The following NDST3 variants were observed in gnomAD, a reference collection of about 807,000 sequenced individuals.
The protein encoded by NDST3 is N-deacetylase and N-sulfotransferase 3.
Under a neutral mutation model 96.1 loss-of-function variants are expected in NDST3, and 58 were observed. The observed-to-expected ratio is 0.60, with a 90% CI of 0.49 to 0.75. The LOEUF (loss-of-function observed/expected upper bound fraction) is 0.75, where lower values mean the gene tolerates loss of function less well. NDST3 is among the 30% of genes least tolerant of loss of function. The probability of loss-of-function intolerance (pLI) is 0.00; values close to 1 mark genes in which losing one functional copy is unlikely to be tolerated. For missense variants in NDST3, 788 were observed against 1,034.2 expected (o/e 0.76, Z 3.27); for synonymous variants, 333 against 359.7 (o/e 0.93, Z 0.84).
chr4:118,165,858 T>G (rs1173578115), intron 6 of NDST3, among the ~76,000 whole-genome samples: 1 of 151,850 alleles, frequency 6.6e-6, no homozygotes, highest in Non-Finnish European at 1.5e-5. Context: ...TAAAAATACC[T>G]TGATATAAGT....
intron 6 of NDST3, among the ~76,000 whole-genome samples, chr4:118,146,044 A>G (rs1252368754): frequency 6.6e-6 from 1 of 152,224 alleles, no homozygotes; most frequent in Non-Finnish European, 1.5e-5. Flanking sequence ...CATGTTTCCC[A>G]TGAATTCTCC....
chr4:118,062,695 C>T (rs1725993578), intron 2 of NDST3, among the ~76,000 whole-genome samples: 2 of 152,032 alleles, frequency 1.3e-5, no homozygotes, highest in African/African-American at 4.8e-5. Flanking sequence ...ATTTCATATT[C>T]ATAATCTATT....
At chr4:118,108,983 T>C (rs914841143) in intron 3 of NDST3, among the ~76,000 whole-genome samples, 1 of 152,198 alleles carries the variant, frequency 6.6e-6, no homozygotes, top group Admixed American at 6.5e-5. Flanking sequence ...TAATTAGATA[T>C]CTATTTTAAA....
intron 6 of NDST3, among the ~76,000 whole-genome samples, chr4:118,157,269 G>T (rs1254775601): frequency 6.6e-6 from 1 of 151,354 alleles, no homozygotes; most frequent in Non-Finnish European, 1.5e-5. Context: ...AATAATAAAA[G>T]TGTTTTGTTA....
chr4:118,168,481 C>T (rs1224156973), intron 6 of NDST3, among the ~76,000 whole-genome samples: 1 of 152,002 alleles, frequency 6.6e-6, no homozygotes, highest in East Asian at 1.9e-4. Context: ...CACACAAGTG[C>T]TAGTGAGAAT....
intron 6 of NDST3, among the ~76,000 whole-genome samples, chr4:118,150,109 C>T (rs533954140): frequency 0.013 from 1,941 of 152,034 alleles, 34 homozygotes; most frequent in African/African-American, 0.044. Flanking sequence ...ATGAAGCCCA[C>T]TTGATCATGG....
chr4:118,240,366 C>T (rs1003704605), intron 10 of NDST3, among the ~76,000 whole-genome samples, 158 bp from the exon 11 acceptor site: 11 of 152,104 alleles, frequency 7.2e-5, no homozygotes, highest in African/African-American at 2.7e-4. Flanking sequence ...TCCTGATGCT[C>T]CAAGCAAACA....
intron 2 of NDST3, among the ~76,000 whole-genome samples, chr4:118,096,700 TAGATAG>T (rs1729342171): frequency 6.6e-6 from 1 of 151,430 alleles, no homozygotes. Context: ...GATAGATAGA[TAGATAG>T]ATAGACAGTT....
intron 3 of NDST3, among the ~76,000 whole-genome samples, chr4:118,114,193 T>A (rs1730868554): frequency 6.6e-6 from 1 of 152,212 alleles, no homozygotes; most frequent in Non-Finnish European, 1.5e-5. Flanking sequence ...TGGATTGTTT[T>A]GATAGTGGTG....
rs1337472401 is a variant in NDST3 at position 118,207,014 on chromosome 4, G to C, written c.1540-17477G>C. ...ATTACAGCATATATATATATAATAA[G>C]AATGGGGAAGTCCCTTATGTACTGA... On this transcript the variant is annotated intron_variant, in intron 6 of 13. Coordinates refer to ENST00000296499, the MANE Select transcript of NDST3 (RefSeq NM_004784.3). 2.1e-5 allele frequency among the ~76,000 whole-genome samples: 3 copies of C among 143,018 alleles called. 1 individual carries two copies. The allele number at this position is 143,018 out of a possible 152,430, so 93.8% of individuals were successfully genotyped here.
At chr4:118,151,818 C>CCCAAAAACTTAGTGTTCATTT (rs1280708270) in intron 6 of NDST3, among the ~76,000 whole-genome samples, 1 of 152,180 alleles carries the variant, frequency 6.6e-6, no homozygotes. Flanking sequence ...TGCTGTTCAT[C>CCCAAAAACTTAGTGTTCATTT]CCAAAAACTT....
intron 6 of NDST3, among the ~76,000 whole-genome samples, chr4:118,168,174 A>G (rs762404295): frequency 6.6e-6 from 1 of 152,036 alleles, no homozygotes; most frequent in African/African-American, 2.4e-5. Context: ...TATGTCTAAT[A>G]AGGAGTTAAT....
chr4:118,139,280 T>C (rs1733376068), intron 5 of NDST3, among the ~76,000 whole-genome samples: 1 of 152,198 alleles, frequency 6.6e-6, no homozygotes, highest in Non-Finnish European at 1.5e-5. Flanking sequence ...TTAGAAGACC[T>C]GGGATATATT....
chr4:118,085,661 C>G (rs903817430), intron 2 of NDST3, among the ~76,000 whole-genome samples: 1 of 152,070 alleles, frequency 6.6e-6, no homozygotes, highest in Non-Finnish European at 1.5e-5. Flanking sequence ...TGTTGGGTAA[C>G]AATTTTATAT....
intron 2 of NDST3, among the ~76,000 whole-genome samples, chr4:118,103,414 G>C (rs559479664): frequency 6.6e-6 from 1 of 151,744 alleles, no homozygotes; most frequent in Non-Finnish European, 1.5e-5. Flanking sequence ...AGGAAGAAGG[G>C]GAGAAGAAAG....
intron 6 of NDST3, among the ~76,000 whole-genome samples, chr4:118,158,601 C>T (rs1032687186): frequency 2.0e-5 from 3 of 152,166 alleles, no homozygotes; most frequent in Admixed American, 6.5e-5. Context: ...GTTGCTGAAA[C>T]TTTTGGGTGA....
chr4:118,140,251 C>T (rs1733463570), intron 5 of NDST3, among the ~76,000 whole-genome samples: 3 of 152,162 alleles, frequency 2.0e-5, no homozygotes, highest in Non-Finnish European at 4.4e-5. Context: ...TATCAAATCC[C>T]ATATCTTAAA....
chr4:118,109,705 C>G, intron 3 of NDST3, among the ~76,000 whole-genome samples: 1 of 152,086 alleles, frequency 6.6e-6, no homozygotes, highest in South Asian at 2.1e-4. Flanking sequence ...TTTGATCTTT[C>G]AAAAATTAGA....
intron 1 of NDST3, among the ~76,000 whole-genome samples, chr4:118,037,256 A>C (rs1173831548): frequency 6.6e-6 from 1 of 152,184 alleles, no homozygotes; most frequent in East Asian, 1.9e-4. Context: ...ACTATTGTCT[A>C]GATTTCTGCT....
Sources: allele counts gnomAD v4.1 joint callset (sites outside exome capture counted in the v4.1 genomes callset), GRCh38; gene constraint gnomAD v4.1.1; transcripts MANE v1.5; gene names NCBI Gene and HGNC (gene_info 2026-07-23, HGNC 2026-07-21).